Variants in DTNA observed in about 807,000 individuals in gnomAD.
The protein encoded by DTNA is dystrobrevin alpha.
DTNA carries 43 observed loss-of-function variants against 100.7 expected under a neutral mutation model. That is an observed-to-expected ratio of 0.43 (90% CI 0.33 to 0.55). The LOEUF is 0.55. Ranked by LOEUF, DTNA falls within the 20% of genes least tolerant of loss-of-function variation. DTNA has a pLI of 0.04. For synonymous variants in DTNA, 349 were observed against 347.9 expected (o/e 1.00, Z -0.04); for missense variants, 798 against 953.9 (o/e 0.84, Z 2.15).
chr18:34,531,317 G>C (rs532458194), intron 1 of DTNA, among the ~76,000 whole-genome samples: 1 of 152,242 alleles, frequency 6.6e-6, no homozygotes, highest in South Asian at 2.1e-4. Flanking sequence ...AGCTGGCTGT[G>C]TGACTTTAAG....
intron 3 of DTNA, among the ~76,000 whole-genome samples, chr18:34,779,678 T>G (rs2094228447): frequency 6.6e-6 from 1 of 152,136 alleles, no homozygotes; most frequent in Non-Finnish European, 1.5e-5. Context: ...CCTCCCCCAA[T>G]AATAACAACA....
intron 1 of DTNA, among the ~76,000 whole-genome samples, chr18:34,502,710 A>G (rs2040057962): frequency 6.6e-6 from 1 of 152,150 alleles, no homozygotes; most frequent in Non-Finnish European, 1.5e-5. Flanking sequence ...ATTCTGTTGT[A>G]TTCAGAGAAC....
At chr18:34,691,435 T>C (rs1367276922) in intron 1 of DTNA, among the ~76,000 whole-genome samples, 4 of 152,338 alleles carry the variant, frequency 2.6e-5, no homozygotes, top group African/African-American at 9.6e-5. Context: ...TCTATTTTAC[T>C]TCAAGGACTA....
At chr18:34,562,289 T>A (rs192876657) in intron 1 of DTNA, among the ~76,000 whole-genome samples, 139 of 152,348 alleles carry the variant, frequency 9.1e-4, no homozygotes, top group African/African-American at 3.1e-3. Context: ...TCACATTTAT[T>A]ACTCTCCATT....
chr18:34,587,692 A>C (rs936861612), intron 1 of DTNA, among the ~76,000 whole-genome samples: 14 of 152,202 alleles, frequency 9.2e-5, no homozygotes, highest in African/African-American at 3.4e-4. Flanking sequence ...GTAGCTAACA[A>C]GGGATAAAGA....
In DTNA at chr18:34,695,192, G is replaced by A. The variant is rs140938655; in HGVS notation, c.-1-60784G>A. ...GACTTGTAAATGCCCCCTAAATTCA[G>A]TTATTAATAGGAATTCTTCCATCTG... On this transcript the variant is annotated intron_variant, in intron 1 of 19. Transcript: ENST00000283365. Among the ~76,000 whole-genome samples the A allele has an allele frequency of 4.6e-3, 706 of 152,262 alleles. 5 individuals carry two copies. The highest frequency in any genetic ancestry group is 0.016 in the African/African-American group (669 of 41,548).
chr18:34,851,786 G>T (rs374299029), intron 14 of DTNA, 45 bp from the exon 15 acceptor site: 1 of 1,587,342 alleles, frequency 6.3e-7, no homozygotes, highest in South Asian at 1.1e-5. Context: ...AAATACATAG[G>T]TTCACATTCT....
At chr18:34,613,193 A>G (rs1459073037) in intron 1 of DTNA, among the ~76,000 whole-genome samples, 1 of 152,186 alleles carries the variant, frequency 6.6e-6, no homozygotes, top group Non-Finnish European at 1.5e-5. Flanking sequence ...GCCATGAACT[A>G]CACTCATATA....
At chr18:34,835,454 T>C (rs901200110) in intron 11 of DTNA, among the ~76,000 whole-genome samples, 6 of 152,040 alleles carry the variant, frequency 3.9e-5, no homozygotes, top group Non-Finnish European at 8.8e-5. Context: ...ATATAGAATA[T>C]GTCTCATTCC....
chr18:34,636,856 G>A (rs573685813), intron 1 of DTNA, among the ~76,000 whole-genome samples: 118 of 152,306 alleles, frequency 7.7e-4, no homozygotes, highest in Non-Finnish European at 9.4e-4. Context: ...ATAAAATTCA[G>A]ATAATAGGTG....
intron 1 of DTNA, among the ~76,000 whole-genome samples, chr18:34,753,604 G>C (rs1212466426): frequency 7.1e-6 from 1 of 140,840 alleles, no homozygotes; most frequent in East Asian, 2.0e-4. Flanking sequence ...GGATGGTCTC[G>C]ATCTCCTGAC....
At chr18:34,678,960 C>A (rs2077727137) in intron 1 of DTNA, among the ~76,000 whole-genome samples, 1 of 152,138 alleles carries the variant, frequency 6.6e-6, no homozygotes, top group African/African-American at 2.4e-5. Context: ...TCCACTCTTA[C>A]AGGGTATCTA....
intron 3 of DTNA, among the ~76,000 whole-genome samples, chr18:34,772,634 T>C (rs370472439): frequency 1.6e-4 from 25 of 152,320 alleles, no homozygotes; most frequent in African/African-American, 5.8e-4. Context: ...TTCCAACTAG[T>C]GTATCAGTAT....
intron 1 of DTNA, among the ~76,000 whole-genome samples, chr18:34,701,211 G>A (rs1330060225): frequency 6.6e-6 from 1 of 152,154 alleles, no homozygotes; most frequent in Admixed American, 6.5e-5. Context: ...TGTCTACACA[G>A]GCTGACTCCA....
Position 34,666,179 on chromosome 18 carries a change from T to G in DTNA, c.-1-89797T>G, listed in dbSNP as rs558055716. On this transcript the variant is annotated intron_variant, in intron 1 of 19. Transcript: ENST00000283365. ...GCATTTCCCTGATGGCCAGTGATGA[T>G]GAGCATTTTTTCATGTGTCTGTTGG... is the stretch of plus-strand genomic sequence containing the variant. Among the ~76,000 whole-genome samples the G allele has an allele frequency of 2.6e-5, 4 of 152,358 alleles. No homozygotes were observed. In the East Asian group the frequency reaches 7.7e-4, roughly 29 times the overall value.
chr18:34,604,085 C>T (rs190514972), intron 1 of DTNA, among the ~76,000 whole-genome samples: 24 of 152,216 alleles, frequency 1.6e-4, no homozygotes, highest in Non-Finnish European at 5.9e-5. Context: ...AGCAATTGTT[C>T]CGTGAACTGT....
chr18:34,621,156 A>G (rs1263225297), intron 1 of DTNA, among the ~76,000 whole-genome samples: 1 of 148,630 alleles, frequency 6.7e-6, no homozygotes, highest in African/African-American at 2.4e-5. Flanking sequence ...TTACAAATAT[A>G]TATTACAAAT....
At chr18:34,775,686 C>T (rs945830839) in intron 3 of DTNA, among the ~76,000 whole-genome samples, 2 of 152,166 alleles carry the variant, frequency 1.3e-5, no homozygotes, top group Non-Finnish European at 1.5e-5. Context: ...GACCTCAGTC[C>T]TATGGTCACA....
chr18:34,646,787 G>A (rs1293263263), intron 1 of DTNA, among the ~76,000 whole-genome samples: 1 of 151,728 alleles, frequency 6.6e-6, no homozygotes, highest in East Asian at 1.9e-4. Flanking sequence ...GGCTCACTGC[G>A]ACCCTGCAAC....
Sources: allele counts gnomAD v4.1 joint callset (sites outside exome capture counted in the v4.1 genomes callset), GRCh38; gene constraint gnomAD v4.1.1; transcripts MANE v1.5; gene names NCBI Gene and HGNC (gene_info 2026-07-23, HGNC 2026-07-21).